SAMD4B: variants seen among roughly 807,000 people sequenced by gnomAD.
The protein encoded by SAMD4B is protein Smaug homolog 2.
A neutral mutation model predicts 74.5 loss-of-function variants in SAMD4B; 5 were observed. The observed-to-expected ratio is 0.07, with a 90% confidence interval of 0.04 to 0.14. The LOEUF (loss-of-function observed/expected upper bound fraction) is 0.14. SAMD4B is among the 10% of genes least tolerant of loss of function. The pLI is 1.00. For synonymous variants in SAMD4B, 373 were observed against 374.9 expected (o/e 1.00, Z 0.06); for missense variants, 608 against 921.8 (o/e 0.66, Z 4.41).
chr19:39,388,859 TC>T, downstream of SAMD4B: 1 of 1,614,044 alleles, frequency 6.2e-7, no homozygotes, highest in Non-Finnish European at 8.5e-7. Context: ...CATGGATTGA[TC>T]CACATCTAGG....
chr19:39,351,150 T>G (rs2076017776), intron 1 of SAMD4B: 2 of 151,992 alleles, frequency 1.3e-5, no homozygotes, highest in Admixed American at 1.3e-4. Context: ...CCTGGCTAAT[T>G]TTTTTGTAAT....
chr19:39,375,650 G>T lies in SAMD4B; in HGVS notation c.668G>T (p.Gly223Val). 1 of 1,598,940 alleles carries T rather than the reference G, an allele frequency of 6.3e-7. No individual in the cohort carries two copies. The highest frequency in any genetic ancestry group is 8.6e-7 in the Non-Finnish European group (1 of 1,167,374). ...INSIGSNANT[G>V]LPCQIHPSPL... Reference sequence around the variant, plus strand: ...TTTGCTTTTCTCCCACTCTGGCCAGGTCTCCCCTGCCAAATCCACCCTAGC... The same window carrying T: ...TTTGCTTTTCTCCCACTCTGGCCAGTTCTCCCCTGCCAAATCCACCCTAGC... Residue 223 changes from glycine to valine, a missense_variant and splice_region_variant, in exon 5 of 14, where the codon GGT becomes GTT. Gly to Val is a moderately radical substitution (Grantham distance 109). Coordinates refer to ENST00000610417, the MANE Select transcript of SAMD4B (RefSeq NM_001384574.2). This position sits in a 1 kb window ranked among gnomAD's most constrained non-coding sequence, Gnocchi z 4.1.
intron 1 of SAMD4B, among the ~76,000 whole-genome samples, chr19:39,343,379 A>C (rs1161709722): frequency 6.9e-6 from 1 of 144,320 alleles, no homozygotes; most frequent in Non-Finnish European, 1.5e-5. Flanking sequence ...TTCCCTGAAG[A>C]TCTCCTTCCC....
intron 1 of SAMD4B, among the ~76,000 whole-genome samples, chr19:39,342,964 C>T (rs1033777442): frequency 6.6e-6 from 1 of 151,710 alleles, no homozygotes; most frequent in Non-Finnish European, 1.5e-5. Flanking sequence ...GTGGAGTCGC[C>T]TCCTCGAGCC....
At chr19:39,350,177 T>C (rs2075949634) in intron 1 of SAMD4B, 1 of 152,260 alleles carries the variant, frequency 6.6e-6, no homozygotes. Flanking sequence ...TGCTTGCTAT[T>C]GAAATGAAGT....
At chr19:39,361,789 TG>T (rs1489600730) in intron 3 of SAMD4B, among the ~76,000 whole-genome samples, 8 of 151,382 alleles carry the variant, frequency 5.3e-5, no homozygotes, top group Admixed American at 5.3e-4. Flanking sequence ...CCGGACATGG[TG>T]GTGGGCGCCT....
At chr19:39,388,264 C>T, downstream of SAMD4B, 2 of 1,484,250 alleles carry the variant, frequency 1.3e-6, no homozygotes, top group Non-Finnish European at 9.4e-7. Flanking sequence ...AAATGACCTC[C>T]AAGGTGGCTC....
chr19:39,353,231 A>G (rs1241291897), intron 1 of SAMD4B, among the ~76,000 whole-genome samples: 3 of 152,178 alleles, frequency 2.0e-5, no homozygotes, highest in Non-Finnish European at 4.4e-5. Context: ...TTGATAATTA[A>G]TCACAGCACT....
Position 39,376,810 on chromosome 19 carries a change from C to T in SAMD4B, c.1104+19C>T. ...AGAGAAGGTGAGGACCTGGTTTCTG[C>T]ATCTTCAAGGCCAGCCAGCCACTTG... On this transcript the variant is annotated intron_variant, in intron 7 of 13. Coordinates refer to ENST00000610417, the MANE Select transcript of SAMD4B (RefSeq NM_001384574.2). 1 of 1,607,706 alleles carries T rather than the reference C, an allele frequency of 6.2e-7. No individual in the cohort carries two copies. Among genetic ancestry groups the T allele is most frequent in the African/African-American group, 1.3e-5 (1 of 74,876 alleles).
intron 3 of SAMD4B, among the ~76,000 whole-genome samples, chr19:39,366,431 C>T (rs2076968085): frequency 1.3e-5 from 2 of 152,190 alleles, no homozygotes; most frequent in Admixed American, 6.5e-5. Flanking sequence ...GATCACTGCA[C>T]TCCAGCCTGG....
chr19:39,386,213 A>G (rs1265343594), downstream of SAMD4B: 1 of 1,614,000 alleles, frequency 6.2e-7, no homozygotes, highest in Non-Finnish European at 8.5e-7. The surrounding 1 kb of genome is among the most constrained non-coding windows in gnomAD (Gnocchi z 6.1). Flanking sequence ...CCTCAGAATC[A>G]GCATCACTGC....
At chr19:39,390,395 G>A (rs1454986814), downstream of SAMD4B, 5 of 1,027,614 alleles carry the variant, frequency 4.9e-6, no homozygotes, top group African/African-American at 1.6e-5. Flanking sequence ...GACAAATGCT[G>A]GTTTCTTTGG....
At chr19:39,361,756 T>A (rs1021690364) in intron 3 of SAMD4B, among the ~76,000 whole-genome samples, 5 of 150,950 alleles carry the variant, frequency 3.3e-5, no homozygotes, top group Non-Finnish European at 7.4e-5. Flanking sequence ...ACCCCATCTC[T>A]ACTAAAAATA....
chr19:39,387,843 A>G (rs1051838197), downstream of SAMD4B, among the ~76,000 whole-genome samples: 4 of 152,220 alleles, frequency 2.6e-5, no homozygotes, highest in Non-Finnish European at 4.4e-5. Context: ...TGTCTCCTGC[A>G]TTAAGATATT....
chr19:39,348,873 G>A (rs1267817878), intron 1 of SAMD4B, among the ~76,000 whole-genome samples: 4 of 152,124 alleles, frequency 2.6e-5, no homozygotes, highest in Admixed American at 1.3e-4. Flanking sequence ...ACTTGATGAT[G>A]GGATTAGAGA....
intron 11 of SAMD4B, 32 bp downstream of exon 11, chr19:39,380,817 C>T (rs185531007): frequency 0.013 from 20,269 of 1,514,922 alleles, 160 homozygotes; most frequent in Non-Finnish European, 0.016. Flanking sequence ...GCCTGGCCTC[C>T]TGGGGTTGGG....
At chr19:39,381,257 C>CCA in intron 12 of SAMD4B, 144 bp downstream of exon 12, 2 of 991,716 alleles carry the variant, frequency 2.0e-6, no homozygotes, top group Non-Finnish European at 2.9e-6. Flanking sequence ...CCCATCTCCC[C>CCA]CAATTGTGGG....
chr19:39,366,904 G>A (rs2076993398), intron 3 of SAMD4B, among the ~76,000 whole-genome samples: 1 of 152,172 alleles, frequency 6.6e-6, no homozygotes, highest in Non-Finnish European at 1.5e-5. Context: ...TTGGTTTCCT[G>A]GGCCCAGAGA....
intron 3 of SAMD4B, 68 bp from the exon 4 acceptor site, chr19:39,369,587 A>G: frequency 1.6e-6 from 2 of 1,245,176 alleles, no homozygotes; most frequent in Non-Finnish European, 1.1e-6. Flanking sequence ...GGCCATAGGC[A>G]GTGCTCTCAG....
Sources: gnomAD v4.1 joint callset for allele counts (sites outside exome capture counted in the v4.1 genomes callset) on GRCh38, gnomAD v4.1.1 for gene constraint, Gnocchi (gnomAD v3.1) non-coding constraint, MANE v1.5 for transcripts, NCBI Gene and HGNC (gene_info 2026-07-23, HGNC 2026-07-21) for gene names.